Variants in MAGI2 observed in about 807,000 individuals in gnomAD.
MAGI2 encodes membrane-associated guanylate kinase, WW and PDZ domain-containing protein 2.
Under a neutral mutation model 133.3 loss-of-function variants are expected in MAGI2, and 35 were observed. The observed-to-expected ratio is 0.26, with a 90% CI of 0.20 to 0.35. The LOEUF is 0.35. Ranked by LOEUF, MAGI2 falls within the 10% of genes least tolerant of loss-of-function variation. The pLI is 1.00. For missense variants in MAGI2, 1,636 were observed against 1,863.4 expected (o/e 0.88, Z 2.25); for synonymous variants, 729 against 710.6 (o/e 1.03, Z -0.41).
chr7:78,844,275 C>T (rs961928), intron 2 of MAGI2, among the ~76,000 whole-genome samples: 54,050 of 151,112 alleles, frequency 0.36, 10,361 homozygotes, highest in East Asian at 0.71. Flanking sequence ...AATTAGTGTA[C>T]GAGAATCATC....
chr7:78,866,380 C>T (rs1264093941), intron 2 of MAGI2, among the ~76,000 whole-genome samples: 2 of 151,966 alleles, frequency 1.3e-5, no homozygotes, highest in Non-Finnish European at 2.9e-5. Context: ...TAGACATAAT[C>T]TAGCTTGTCC....
intron 2 of MAGI2, among the ~76,000 whole-genome samples, chr7:78,991,446 A>C (rs1805774271): frequency 6.6e-6 from 1 of 151,968 alleles, no homozygotes; most frequent in African/African-American, 2.4e-5. Context: ...ATATATGCTT[A>C]AATATACATT....
chr7:78,764,982 G>A (rs754003963), intron 2 of MAGI2, among the ~76,000 whole-genome samples: 5 of 152,228 alleles, frequency 3.3e-5, no homozygotes, highest in Admixed American at 6.5e-5. Context: ...AGAACTAAAG[G>A]ATGATCAGAG....
chr7:78,164,046 G>A (rs1487841865), intron 15 of MAGI2, among the ~76,000 whole-genome samples: 1 of 152,094 alleles, frequency 6.6e-6, no homozygotes, highest in East Asian at 1.9e-4. Context: ...CTGGGTATGG[G>A]GTTTGCAGGT....
chr7:78,831,983 T>C (rs2151443775), intron 2 of MAGI2, among the ~76,000 whole-genome samples: 1 of 152,304 alleles, frequency 6.6e-6, no homozygotes, highest in Admixed American at 6.5e-5. Flanking sequence ...TTTTAGGCTG[T>C]CATTACCTGC....
rs1415422928 is a variant in MAGI2, at chr7:79,453,662, G to C, written c.-342C>G. ...GCGAGCAGTAGCCGAGCTGGTGAGC[G>C]GGTGTGGTGGGGGTGGGGAAGGAGG... On this transcript the variant is annotated 5_prime_UTR_variant, in exon 1 of 22. Coordinates refer to ENST00000354212, the MANE Select transcript of MAGI2 (RefSeq NM_012301.4). The C allele has an allele frequency of 3.5e-6, 2 of 566,528 alleles. No individual in the cohort carries two copies. Among genetic ancestry groups the C allele is most frequent in the South Asian group, 5.5e-5 (1 of 18,136 alleles). The allele number at this position is 566,528 out of a possible 1,614,324, so 35.1% of individuals were successfully genotyped here.
intron 21 of MAGI2, among the ~76,000 whole-genome samples, chr7:78,073,575 C>T (rs942588277): frequency 1.3e-5 from 2 of 152,240 alleles, no homozygotes; most frequent in East Asian, 3.8e-4. Flanking sequence ...GAACAGCAGT[C>T]ATTAACAAGG....
chr7:79,144,330 T>C (rs1045539074), intron 1 of MAGI2, among the ~76,000 whole-genome samples: 3 of 152,126 alleles, frequency 2.0e-5, no homozygotes, highest in African/African-American at 4.8e-5. Flanking sequence ...AGGGGCCTGG[T>C]GGGATCATGG....
intron 1 of MAGI2, among the ~76,000 whole-genome samples, chr7:79,374,761 G>A (rs1843278832): frequency 6.6e-6 from 1 of 151,760 alleles, no homozygotes; most frequent in African/African-American, 2.4e-5. Context: ...TTTCTTTATG[G>A]GTATAAAGAG....
At chr7:78,099,609 G>T (rs1818023629) in intron 20 of MAGI2, among the ~76,000 whole-genome samples, 1 of 151,744 alleles carries the variant, frequency 6.6e-6, no homozygotes, top group African/African-American at 2.4e-5. Flanking sequence ...ATATAAAATT[G>T]TGTAAAATAT....
chr7:78,537,607 G>A (rs1013842699), intron 3 of MAGI2, among the ~76,000 whole-genome samples: 5 of 152,082 alleles, frequency 3.3e-5, no homozygotes, highest in African/African-American at 4.8e-5. Context: ...GTGATGTTGA[G>A]GATTTTTTCA....
At chr7:79,195,632 C>A (rs1337839079) in intron 1 of MAGI2, among the ~76,000 whole-genome samples, 1 of 151,870 alleles carries the variant, frequency 6.6e-6, no homozygotes, top group Non-Finnish European at 1.5e-5. Flanking sequence ...GCCTTTCTGC[C>A]CAGCAATGGA....
At chr7:78,061,061 G>A (rs116197446) in intron 21 of MAGI2, among the ~76,000 whole-genome samples, 6,990 of 151,434 alleles carry the variant, frequency 0.046, 354 homozygotes, top group East Asian at 0.13. Context: ...AGCTACCTGG[G>A]AGACTGAGGT....
At chr7:79,098,795 A>G (rs60302578) in intron 1 of MAGI2, among the ~76,000 whole-genome samples, 6,678 of 152,270 alleles carry the variant, frequency 0.044, 222 homozygotes, top group African/African-American at 0.084. Flanking sequence ...TTGAGACATG[A>G]AATAAATGGA....
rs149706187 is a variant in MAGI2, at chr7:78,402,088, C to T, written c.1046-32875G>A. Among the ~76,000 whole-genome samples the T allele has an allele frequency of 1.1e-4, 16 of 152,276 alleles. No homozygotes were observed. In the East Asian group the frequency reaches 3.1e-3, roughly 29 times the overall value. ...CGGCATGTTCTATTACAAAGATTCTCTTATATTAAAGTTATTTGTTTACAT... is the reference window on the plus strand; with the variant it reads ...CGGCATGTTCTATTACAAAGATTCTTTTATATTAAAGTTATTTGTTTACAT... On this transcript the variant is annotated intron_variant, in intron 6 of 21. Coordinates refer to ENST00000354212, the MANE Select transcript of MAGI2 (RefSeq NM_012301.4).
chr7:78,214,803 G>A (rs1403993866), intron 10 of MAGI2, among the ~76,000 whole-genome samples: 4 of 152,178 alleles, frequency 2.6e-5, no homozygotes, highest in African/African-American at 9.7e-5. Flanking sequence ...AACTACAATA[G>A]CAAGAAATAG....
At chr7:78,436,015 A>C (rs1056409491) in intron 6 of MAGI2, among the ~76,000 whole-genome samples, 2 of 152,166 alleles carry the variant, frequency 1.3e-5, no homozygotes, top group African/African-American at 4.8e-5. Context: ...ACACAAGTAG[A>C]TATCTGGAGA....
intron 1 of MAGI2, among the ~76,000 whole-genome samples, chr7:79,234,601 C>T (rs1255768553): frequency 1.3e-5 from 2 of 152,072 alleles, no homozygotes; most frequent in African/African-American, 4.8e-5. Flanking sequence ...CCTGAGGCTT[C>T]TGCATTCTTC....
intron 3 of MAGI2, among the ~76,000 whole-genome samples, chr7:78,603,671 G>A (rs1021891164): frequency 3.9e-4 from 60 of 152,178 alleles, no homozygotes; most frequent in African/African-American, 1.4e-3. Flanking sequence ...ACAGGTGCAT[G>A]CCACCACACC....
Sources: gnomAD v4.1 joint callset for allele counts (sites outside exome capture counted in the v4.1 genomes callset) on GRCh38, gnomAD v4.1.1 for gene constraint, MANE v1.5 for transcripts, NCBI Gene and HGNC (gene_info 2026-07-23, HGNC 2026-07-21) for gene names.